The following DCP1A variants were observed in gnomAD, a reference collection of about 807,000 sequenced individuals.
The protein encoded by DCP1A is decapping mRNA 1A, also known as mRNA-decapping enzyme 1A.
A neutral mutation model predicts 58.0 loss-of-function variants in DCP1A; 20 were observed. The observed-to-expected ratio is 0.34, with a 90% confidence interval of 0.24 to 0.50. The LOEUF is 0.50. Ranked by LOEUF, DCP1A falls within the 20% of genes least tolerant of loss-of-function variation. The pLI, the probability that DCP1A is intolerant of heterozygous loss-of-function variation, is 0.98. For missense variants in DCP1A, 613 were observed against 712.2 expected (o/e 0.86, Z 1.59); for synonymous variants, 285 against 275.1 (o/e 1.04, Z -0.36).
chr3:53,335,086 GGT>G (rs140454902), intron 3 of DCP1A, among the ~76,000 whole-genome samples: 231 of 145,100 alleles, frequency 1.6e-3, no homozygotes, highest in East Asian at 5.0e-3. Flanking sequence ...AATGTGTCTG[GGT>G]GTGTGTGTGT....
intron 3 of DCP1A, among the ~76,000 whole-genome samples, chr3:53,332,587 G>A (rs570598194): frequency 5.5e-4 from 83 of 151,974 alleles, no homozygotes; most frequent in South Asian, 2.3e-3. Flanking sequence ...TTTCTAGGCC[G>A]GGCGCGGTGG....
intron 3 of DCP1A, among the ~76,000 whole-genome samples, chr3:53,333,287 C>T (rs559491776): frequency 5.9e-5 from 9 of 151,866 alleles, no homozygotes; most frequent in Non-Finnish European, 1.0e-4. Context: ...ATTACAGGCG[C>T]CTGCCACCAT....
intron 8 of DCP1A, among the ~76,000 whole-genome samples, chr3:53,289,674 G>A (rs1337152100): frequency 6.6e-6 from 1 of 151,376 alleles, no homozygotes; most frequent in Non-Finnish European, 1.5e-5. Flanking sequence ...AGATAGCAAT[G>A]AGAAAATTTC....
At chr3:53,298,423 A>G (rs1274177979) in intron 6 of DCP1A, among the ~76,000 whole-genome samples, 2 of 152,196 alleles carry the variant, frequency 1.3e-5, no homozygotes, top group Non-Finnish European at 2.9e-5. Flanking sequence ...CTCATATAAG[A>G]GAGAATAAAC....
intron 5 of DCP1A, among the ~76,000 whole-genome samples, chr3:53,310,575 G>A (rs17052997): frequency 0.044 from 6,682 of 152,310 alleles, 482 homozygotes; most frequent in African/African-American, 0.15. Flanking sequence ...AAGTATGTAC[G>A]TAGAAAATCC....
At chr3:53,308,070 A>G (rs1016578619) in intron 5 of DCP1A, among the ~76,000 whole-genome samples, 26 of 152,342 alleles carry the variant, frequency 1.7e-4, no homozygotes, top group African/African-American at 5.8e-4. Context: ...ACACAAACAT[A>G]CCACTTACAC....
At chr3:53,346,266 C>G (rs1326563108) in intron 1 of DCP1A, among the ~76,000 whole-genome samples, 1 of 152,164 alleles carries the variant, frequency 6.6e-6, no homozygotes, top group Non-Finnish European at 1.5e-5. Flanking sequence ...TCCTTCTCTT[C>G]CAGGAGGCAA....
chr3:53,300,339 C>CT (rs34299781), intron 6 of DCP1A, among the ~76,000 whole-genome samples: 91,453 of 139,474 alleles, frequency 0.66, 31,065 homozygotes, highest in Non-Finnish European at 0.76. Context: ...TGCTTTATGA[C>CT]TTTTTTTTTT....
chr3:53,283,461 A>T lies in DCP1A; in HGVS notation c.*4119T>A, dbSNP rs1706506596. 1 of 152,226 alleles carries T rather than the reference A, an allele frequency of 6.6e-6. No homozygotes were observed. Among genetic ancestry groups the T allele is most frequent in the South Asian group, 2.1e-4 (1 of 4,836 alleles). 9.4% of individuals were successfully genotyped at this position (152,226 alleles called of 1,614,324 possible). A position where few individuals can be genotyped will look rare whatever the true frequency, so the allele number is the denominator to read the frequency against. ...TAAAACTTGGTTTTGAAATTTTATTAAAAAAATATATTTGCAAACATATAA... is the reference window on the plus strand; with the variant it reads ...TAAAACTTGGTTTTGAAATTTTATTTAAAAAATATATTTGCAAACATATAA... On this transcript the variant is annotated 3_prime_UTR_variant, in exon 10 of 10. Transcript: ENST00000610213.
chr3:53,344,490 T>C (rs778230931), intron 2 of DCP1A, among the ~76,000 whole-genome samples: 19 of 152,198 alleles, frequency 1.2e-4, no homozygotes, highest in Non-Finnish European at 2.2e-4. Context: ...GAACCAGTCA[T>C]AAAAGACAAC....
intron 3 of DCP1A, among the ~76,000 whole-genome samples, chr3:53,338,544 G>A (rs920414448): frequency 6.6e-6 from 1 of 151,904 alleles, no homozygotes; most frequent in Non-Finnish European, 1.5e-5. Flanking sequence ...GGGTGGGGTG[G>A]GTGTAGATGG....
intron 6 of DCP1A, among the ~76,000 whole-genome samples, chr3:53,303,804 G>C (rs1707381859): frequency 6.6e-6 from 1 of 152,206 alleles, no homozygotes; most frequent in Non-Finnish European, 1.5e-5. Context: ...TGGGGTAGAG[G>C]GGCCAGATAA....
chr3:53,317,914 C>T (rs897594184), intron 4 of DCP1A, among the ~76,000 whole-genome samples: 2 of 151,910 alleles, frequency 1.3e-5, no homozygotes, highest in African/African-American at 4.8e-5. Flanking sequence ...CGATAACTTC[C>T]GATCAGGACA....
intron 5 of DCP1A, among the ~76,000 whole-genome samples, chr3:53,305,345 ATTTTTT>A (rs756153127): frequency 1.5e-5 from 1 of 66,988 alleles, no homozygotes; most frequent in Admixed American, 1.8e-4. Flanking sequence ...GTGGACAAAA[ATTTTTT>A]TTTCTTTTTT....
At chr3:53,339,604 C>A (rs545639089) in intron 3 of DCP1A, among the ~76,000 whole-genome samples, 35 of 152,302 alleles carry the variant, frequency 2.3e-4, no homozygotes, top group South Asian at 1.9e-3. Context: ...TTCTTCCACA[C>A]ACGAACTATA....
chr3:53,292,201 C>T lies in DCP1A; in HGVS notation c.1251G>A (p.Met417Ile). The T allele has an allele frequency of 6.2e-7, 1 of 1,614,002 alleles. No individual in the cohort carries two copies. The highest frequency in any genetic ancestry group is 2.2e-5 in the East Asian group (1 of 44,866). Residue 417 changes from methionine (M) to isoleucine (I), a missense_variant, in exon 7 of 10, where the codon ATG (methionine) becomes ATA (isoleucine). This residue lies in a region of DCP1A where 498 missense variants were observed against 556.7 expected (regional missense o/e 0.89). Transcript: ENST00000610213. ...CAGCTGCCGGAGAAAAGCTGGCTAC[C>T]ATTGCACCTTTCCCAAGTGGTTGTG... ...IQTQPLGKGAMVASFSPAAGQ... is the reference protein window; with the variant it reads ...IQTQPLGKGAIVASFSPAAGQ...
intron 1 of DCP1A, among the ~76,000 whole-genome samples, chr3:53,347,042 G>A (rs1335755680): frequency 7.2e-5 from 11 of 152,022 alleles, no homozygotes; most frequent in African/African-American, 2.7e-4. Context: ...AAGCTTTCAG[G>A]CACCCTTTTG....
chr3:53,310,805 T>C lies in DCP1A; in HGVS notation c.510+1436A>G, dbSNP rs115443904. ...ACTTGAAACTTCTCATGGGCTCTCA[T>C]GTACATTTCTCCACCCTGGAGGTGG... On this transcript the variant is annotated intron_variant, in intron 5 of 9. Coordinates refer to ENST00000610213, the MANE Select transcript of DCP1A (RefSeq NM_018403.7). Among the ~76,000 whole-genome samples the C allele has an allele frequency of 4.3e-3, 657 of 152,362 alleles. 1 individual carries two copies. Among genetic ancestry groups the C allele is most frequent in the Non-Finnish European group, 6.8e-3 (464 of 68,040 alleles).
chr3:53,311,709 C>G (rs1707649036), intron 5 of DCP1A, among the ~76,000 whole-genome samples: 1 of 152,064 alleles, frequency 6.6e-6, no homozygotes, highest in South Asian at 2.1e-4. Context: ...TTTTCAAAGC[C>G]TAAACAAATT....
Sources: gnomAD v4.1 joint callset for allele counts (sites outside exome capture counted in the v4.1 genomes callset) on GRCh38, gnomAD v4.1.1 for gene constraint, gnomAD v4.1.1 regional missense constraint, MANE v1.5 for transcripts, NCBI Gene and HGNC (gene_info 2026-07-23, HGNC 2026-07-21) for gene names.